Variants in ADGRL2 observed in about 807,000 individuals in gnomAD.
ADGRL2 encodes calcium-independent alpha-latrotoxin receptor 2.
Under a neutral mutation model 157.4 loss-of-function variants are expected in ADGRL2, and 44 were observed. The observed-to-expected ratio is 0.28, with a 90% CI of 0.22 to 0.36. The LOEUF (loss-of-function observed/expected upper bound fraction) is 0.36, where lower values mean the gene tolerates loss of function less well. ADGRL2 is among the 10% of genes least tolerant of loss of function. The probability of loss-of-function intolerance (pLI) is 1.00; values close to 1 mark genes in which losing one functional copy is unlikely to be tolerated. For synonymous variants in ADGRL2, 585 were observed against 624.7 expected (o/e 0.94, Z 0.95); for missense variants, 1,510 against 1,768.9 (o/e 0.85, Z 2.63).
chr1:81,473,710 T>C (rs2078217636), intron 2 of ADGRL2, among the ~76,000 whole-genome samples: 3 of 152,136 alleles, frequency 2.0e-5, no homozygotes, highest in Admixed American at 6.5e-5. Context: ...AAGAATGCTT[T>C]GTGAAAGAAA....
At chr1:81,406,888 G>A (rs2076863681) in intron 1 of ADGRL2, among the ~76,000 whole-genome samples, 1 of 152,130 alleles carries the variant, frequency 6.6e-6, no homozygotes, top group Non-Finnish European at 1.5e-5. Context: ...TTGTGACGAG[G>A]GAGTGTTGAA....
In ADGRL2 at chr1:81,456,817, G is replaced by A. The variant is rs1051934515; in HGVS notation, c.-248+11728G>A. 3.3e-5 allele frequency among the ~76,000 whole-genome samples: 5 copies of A among 152,144 alleles called. No homozygotes were observed. In the South Asian group the frequency reaches 8.3e-4, roughly 25 times the overall value. ...TTTGCTGCAGTTTATATAAGAACTTGTTATCCCACCTGTCTGCTCCTCCTT... is the reference window on the plus strand; with the variant it reads ...TTTGCTGCAGTTTATATAAGAACTTATTATCCCACCTGTCTGCTCCTCCTT... On this transcript the variant is annotated intron_variant, in intron 2 of 24. Transcript: ENST00000370721.
intron 2 of ADGRL2, among the ~76,000 whole-genome samples, chr1:81,527,205 C>T (rs565362789): frequency 6.6e-6 from 1 of 152,292 alleles, no homozygotes; most frequent in African/African-American, 2.4e-5. Context: ...CAATGCAGAT[C>T]ATTTCCTCAC....
chr1:81,659,721 C>A (rs574703952), intron 3 of ADGRL2, among the ~76,000 whole-genome samples: 6 of 152,174 alleles, frequency 3.9e-5, no homozygotes, highest in Non-Finnish European at 8.8e-5. Flanking sequence ...CCATTACCAT[C>A]TTTATCACAT....
intron 2 of ADGRL2, among the ~76,000 whole-genome samples, chr1:81,868,018 C>T (rs761497057): frequency 8.6e-5 from 13 of 151,314 alleles, no homozygotes; most frequent in South Asian, 4.2e-4. Flanking sequence ...TTGTAATCCA[C>T]TTAATAAAAA....
At chr1:81,733,467 A>G (rs1461650604) in intron 1 of ADGRL2, among the ~76,000 whole-genome samples, 1 of 152,138 alleles carries the variant, frequency 6.6e-6, no homozygotes, top group Non-Finnish European at 1.5e-5. Context: ...TCTTTCCTCC[A>G]TGTGCAAGTA....
At chr1:81,517,701 G>A (rs2079213378) in intron 2 of ADGRL2, among the ~76,000 whole-genome samples, 1 of 152,156 alleles carries the variant, frequency 6.6e-6, no homozygotes, top group African/African-American at 2.4e-5. Flanking sequence ...ACCCCTCACT[G>A]CAAGGAAGAG....
rs187493201 is a variant in ADGRL2 at position 81,503,498 on chromosome 1, C to T, written c.-248+58409C>T. The T allele has an allele frequency of 3.3e-4, 529 of 1,601,292 alleles. 5 individuals carry two copies. In the African/African-American group the frequency reaches 6.1e-3, roughly 19 times the overall value. On this transcript the variant is annotated intron_variant, in intron 2 of 24. Coordinates refer to the ADGRL2 transcript ENST00000370721. ...GCAGGACCCAGCTTTCCACTTGCCA[C>T]TCTCCAGTCGAGAGTGAAGGAAGTT... is the stretch of plus-strand genomic sequence containing the variant.
chr1:81,316,969 A>C (rs1557590796), intron 1 of ADGRL2, among the ~76,000 whole-genome samples: 1 of 152,144 alleles, frequency 6.6e-6, no homozygotes, highest in Non-Finnish European at 1.5e-5. Context: ...TTGTCAATGA[A>C]AAGTTAGGAA....
chr1:81,358,960 G>A (rs1388866037), intron 1 of ADGRL2, among the ~76,000 whole-genome samples: 7 of 152,032 alleles, frequency 4.6e-5, no homozygotes, highest in Non-Finnish European at 8.8e-5. Context: ...AAGTTAATTA[G>A]AGGAAGAGGA....
At chr1:81,381,037 A>G (rs933832304) in intron 1 of ADGRL2, among the ~76,000 whole-genome samples, 27 of 152,048 alleles carry the variant, frequency 1.8e-4, no homozygotes, top group African/African-American at 6.5e-4. Flanking sequence ...TTTTCTTTAT[A>G]TATGTGACTT....
At chr1:81,957,614 G>A (rs1243410380) in intron 11 of ADGRL2, among the ~76,000 whole-genome samples, 3 of 151,884 alleles carry the variant, frequency 2.0e-5, no homozygotes, top group Admixed American at 1.3e-4. Context: ...AGGCTGAGGC[G>A]GGAGGATCAC....
In ADGRL2 at chr1:81,950,502, A is replaced by G. The variant is rs1651425127; in HGVS notation, c.1504+20A>G. On this transcript the variant is annotated intron_variant, in intron 7 of 23. Transcript: ENST00000686636. The stretch of plus-strand genomic sequence containing the variant: ...CAAGAGGTATTTTCTATAAACTACC[A>G]TGCATACATTTTTCAATTTAGTAAG... 1 of 1,587,670 alleles carries G rather than the reference A, an allele frequency of 6.3e-7. No individual in the cohort carries two copies. The highest frequency in any genetic ancestry group is 8.6e-7 in the Non-Finnish European group (1 of 1,166,142).
chr1:81,501,709 C>T (rs1290888513), intron 2 of ADGRL2: 1 of 1,597,980 alleles, frequency 6.3e-7, no homozygotes, highest in East Asian at 2.2e-5. Context: ...ACCCAGTGTG[C>T]CTGGTGGGCT....
At chr1:81,788,722 A>T (rs1295054537) in intron 2 of ADGRL2, among the ~76,000 whole-genome samples, 1 of 147,202 alleles carries the variant, frequency 6.8e-6, no homozygotes, top group African/African-American at 2.5e-5. Flanking sequence ...GGAAATCCAT[A>T]TTTTTTTTTT....
intron 2 of ADGRL2, among the ~76,000 whole-genome samples, chr1:81,489,163 G>A (rs778304613): frequency 2.0e-5 from 3 of 152,034 alleles, no homozygotes. Flanking sequence ...CTTGAACCTG[G>A]GAGGTGGAGG....
intron 2 of ADGRL2, among the ~76,000 whole-genome samples, chr1:81,454,297 T>G (rs576354328): frequency 6.6e-6 from 1 of 152,304 alleles, no homozygotes; most frequent in South Asian, 2.1e-4. Flanking sequence ...TCATGCAAAA[T>G]GTAACTTAAA....
At chr1:81,953,462 C>G (rs963105693) in intron 10 of ADGRL2, among the ~76,000 whole-genome samples, 1 of 151,968 alleles carries the variant, frequency 6.6e-6, no homozygotes, top group Non-Finnish European at 1.5e-5. Flanking sequence ...ATAAAATAGG[C>G]TTTATTCTGA....
At chr1:81,910,220 C>T (rs947882769) in intron 3 of ADGRL2, among the ~76,000 whole-genome samples, 6 of 146,048 alleles carry the variant, frequency 4.1e-5, no homozygotes, top group Non-Finnish European at 7.5e-5. Flanking sequence ...ACCTGGGCAA[C>T]GGAGTGAGAC....
Sources: gnomAD v4.1 joint callset for allele counts (sites outside exome capture counted in the v4.1 genomes callset) on GRCh38, gnomAD v4.1.1 for gene constraint, MANE v1.5 for transcripts, NCBI Gene and HGNC (gene_info 2026-07-23, HGNC 2026-07-21) for gene names.